Variants in ALS2CL observed in about 807,000 individuals in gnomAD.
The protein encoded by ALS2CL is ALS2 C-terminal like.
A neutral mutation model predicts 127.9 loss-of-function variants in ALS2CL; 112 were observed. That is an observed-to-expected ratio of 0.88 (90% CI 0.75 to 1.02). ALS2CL has a LOEUF of 1.02. Among genes scored for constraint, ALS2CL ranks in the 50% least tolerant of loss-of-function variants. ALS2CL has a pLI of 0.00. For synonymous variants in ALS2CL, 519 were observed against 527.6 expected, an observed-to-expected ratio of 0.98 and a Z score of 0.22; for missense variants, 1,174 against 1,236.7, an observed-to-expected ratio of 0.95 and a Z score of 0.76.
intron 13 of ALS2CL, 39 bp from the exon 14 acceptor site, chr3:46,680,580 C>T (rs138954592): frequency 1.3e-6 from 2 of 1,586,284 alleles, no homozygotes; most frequent in Non-Finnish European, 1.7e-6. Context: ...GGATCAGACT[C>T]ATTCCCATGT....
At chr3:46,676,577 G>A (rs2106700624) in intron 18 of ALS2CL, 65 bp downstream of exon 18, 1 of 1,577,068 alleles carries the variant, frequency 6.3e-7, no homozygotes, top group Non-Finnish European at 8.6e-7. Context: ...ATGAAAAATG[G>A]GAGCCCTTCC....
At chr3:46,677,106 G>T in intron 16 of ALS2CL, 84 bp from the exon 17 acceptor site, 1 of 1,508,878 alleles carries the variant, frequency 6.6e-7, no homozygotes, top group Non-Finnish European at 8.8e-7. Context: ...CCTTGGAGGG[G>T]TGGGGGTATG....
intron 10 of ALS2CL, among the ~76,000 whole-genome samples, chr3:46,682,302 T>C (rs1699417243): frequency 6.6e-6 from 1 of 152,200 alleles, no homozygotes; most frequent in Admixed American, 6.5e-5. Context: ...AGCAGCCTCA[T>C]GGGGCACACT....
intron 13 of ALS2CL, 166 bp from the exon 14 acceptor site, chr3:46,680,707 T>C (rs1699249878): frequency 1.6e-6 from 1 of 615,768 alleles, no homozygotes; most frequent in Admixed American, 2.9e-5. Flanking sequence ...CCAAGAGGAA[T>C]AGAGAATGGA....
At position 46,681,033 on chromosome 3, in the gene ALS2CL, A is replaced by G. The variant is rs1331663419; in HGVS notation, c.1436+213T>C. The G allele has an allele frequency of 1.4e-6, 1 of 720,458 alleles. No individual in the cohort carries two copies. Among genetic ancestry groups the G allele is most frequent in the East Asian group, 2.6e-5 (1 of 38,150 alleles). The allele number at this position is 720,458 out of a possible 1,614,324, so 44.6% of individuals were successfully genotyped here. ...TCAGAAATGCCTCTCCAACACCATG[A>G]GGAGGGGTGAGGGGCGGGGGCGACC... On this transcript the variant is annotated intron_variant, in intron 13 of 25. Transcript: ENST00000318962. The surrounding 1 kb of genome is among the most constrained non-coding windows in gnomAD (Gnocchi z 4.9).
chr3:46,681,324 G>T lies in ALS2CL; in HGVS notation c.1358C>A (p.Ala453Asp). The T allele has an allele frequency of 1.2e-6, 2 of 1,613,710 alleles. No homozygotes were observed. The highest frequency in any genetic ancestry group is 8.5e-7 in the Non-Finnish European group (1 of 1,179,770). Reference sequence around the variant, plus strand: ...GCCCGTGTACCTGAAGGGCTGGGGGGCCTGCGGACCACTCTCAAGGACCCC... The same window carrying T: ...GCCCGTGTACCTGAAGGGCTGGGGGTCCTGCGGACCACTCTCAAGGACCCC... ...GFGVLESGPQ[A>D]PQPFRYTGHW... Residue 453 changes from alanine (A) to aspartate (D), a missense_variant, in exon 13 of 26, where the codon GCC becomes GAC. Physicochemically the swap from Ala to Asp is moderately radical, Grantham distance 126. Coordinates refer to ENST00000318962, the MANE Select transcript of ALS2CL (RefSeq NM_147129.5). The surrounding 1 kb of genome is among the most constrained non-coding windows in gnomAD (Gnocchi z 4.9).
intron 21 of ALS2CL, 104 bp downstream of exon 21, chr3:46,674,462 G>A: frequency 7.1e-7 from 1 of 1,410,102 alleles, no homozygotes; most frequent in Non-Finnish European, 9.6e-7. Flanking sequence ...TTAGAACTTG[G>A]TGGGTACATG....
intron 16 of ALS2CL, 113 bp downstream of exon 16, chr3:46,678,146 A>C (rs1189881359): frequency 3.3e-6 from 4 of 1,209,514 alleles, no homozygotes; most frequent in Non-Finnish European, 4.3e-6. Context: ...GGAACTCTCT[A>C]GAGGGCTAAG....
chr3:46,691,007 G>C (rs1700116584), intron 1 of ALS2CL, among the ~76,000 whole-genome samples: 1 of 152,188 alleles, frequency 6.6e-6, no homozygotes, highest in South Asian at 2.1e-4. Context: ...AGGCTGCAGA[G>C]AGAGAGGCAG....
chr3:46,686,426 C>T lies in ALS2CL; in HGVS notation c.548G>A (p.Arg183Gln), dbSNP rs371027094. 16 of 1,612,942 alleles carry T rather than the reference C, an allele frequency of 9.9e-6. No homozygotes were observed. The African/African-American group carries it at 1.3e-4, about 13-fold the overall frequency. ...GGTGACTGCGTTCACCACCAGCTCC[C>T]GGGTTGGGTGATGCTGAAGGGGGAC... ...GDTIGEHHPT[R>Q]ELVVNAVTLF... Residue 183 changes from arginine (R) to glutamine (Q), a missense_variant, in exon 6 of 26, where the codon CGG (arginine) becomes CAG (glutamine). By Grantham distance (43) the Arg-to-Gln change is conservative. Coordinates refer to ENST00000318962, the MANE Select transcript of ALS2CL (RefSeq NM_147129.5). The surrounding 1 kb of genome is among the most constrained non-coding windows in gnomAD (Gnocchi z 4.3).
At position 46,679,228 on chromosome 3, in the gene ALS2CL, G is replaced by T. The variant is rs112747072; in HGVS notation, c.1608C>A (p.Asp536Glu). 176 of 1,574,368 alleles carry T rather than the reference G, an allele frequency of 1.1e-4. No individual in the cohort carries two copies. Among genetic ancestry groups the T allele is most frequent in the Non-Finnish European group, 1.5e-4 (170 of 1,159,200 alleles). ...TCCTCACCTTCCCCATGAGGGTCAG[G>T]TCCCTGGTGAAGGTGCCCTCATACA... is the stretch of plus-strand genomic sequence containing the variant. The part of the protein sequence containing the change: ...DSLYEGTFTR[D>E]LTLMGKGKVT... Residue 536 changes from aspartate (D) to glutamate (E), a missense_variant, in exon 15 of 26, where the codon GAC (aspartate) becomes GAA (glutamate). Coordinates refer to ENST00000318962, the MANE Select transcript of ALS2CL (RefSeq NM_147129.5).
Position 46,681,905 on chromosome 3 carries a change from G to T in ALS2CL, c.1175+124C>A. The stretch of plus-strand genomic sequence containing the variant: ...CAGTGGGCGGGGGCTGGACCGGATT[G>T]TCTCTAAGTTCCTGCTTGAGGTTTG... On this transcript the variant is annotated intron_variant, in intron 11 of 25. Coordinates refer to ENST00000318962, the MANE Select transcript of ALS2CL (RefSeq NM_147129.5). The surrounding 1 kb of genome is among the most constrained non-coding windows in gnomAD (Gnocchi z 4.9). The T allele has an allele frequency of 2.4e-6, 3 of 1,237,288 alleles. No homozygotes were observed. Among genetic ancestry groups the T allele is most frequent in the Non-Finnish European group, 3.4e-6 (3 of 873,320 alleles). 76.6% of individuals were successfully genotyped at this position (1,237,288 alleles called of 1,614,324 possible).
At chr3:46,673,403 AG>A in intron 21 of ALS2CL, 22 bp from the exon 22 acceptor site, 1 of 1,557,022 alleles carries the variant, frequency 6.4e-7, no homozygotes, top group South Asian at 1.2e-5. Context: ...AAAGTGAGAC[AG>A]GAGGCTCTGC....
Position 46,672,178 on chromosome 3 carries a change from C to T in ALS2CL, c.2496G>A (p.Lys832=). ...SNQRYSLVRD[K]CFLSATECLQ... ...GGCACTCGGTGGCTGACAGGAAACA[C>T]TTGTCCCTGACCAGGGAGTACCTCT... The change falls in exon 23 of 26, where the codon AAG becomes AAA. Residue 832 remains lysine, a synonymous_variant. Transcript: ENST00000318962. 6.2e-7 allele frequency: 1 copy of T among 1,614,118 alleles called. No homozygotes were observed. The highest frequency in any genetic ancestry group is 8.5e-7 in the Non-Finnish European group (1 of 1,180,018).
rs146972680 is a variant in ALS2CL at position 46,674,596 on chromosome 3, G to C, written c.2399C>G (p.Thr800Ser). Reference protein sequence around the residue: ...GIANLSLFPDTQLLEFLDVQK... With the variant: ...GIANLSLFPDSQLLEFLDVQK... ...CACATCCAGGAACTCGAGCAGTTGG[G>C]TATCAGGAAAGAGGCTCAAGTTGGC... The change falls in exon 21 of 26, where the codon ACC (threonine) becomes AGC (serine). Residue 800 changes from threonine to serine, a missense_variant. By Grantham distance (58) the Thr-to-Ser change is moderately conservative. Coordinates refer to ENST00000318962, the MANE Select transcript of ALS2CL (RefSeq NM_147129.5). The C allele has an allele frequency of 2.5e-6, 4 of 1,613,918 alleles. No homozygotes were observed. The African/African-American group carries it at 4.0e-5, about 16-fold the overall frequency.
Position 46,686,548 on chromosome 3 carries a change from T to C in ALS2CL, c.535-109A>G. ...CCTGAATCTAGGCCAGACCTTGCCC[T>C]TCTCTCCCTGACAGCTCCTCTTCTG... On this transcript the variant is annotated intron_variant, in intron 5 of 25. Coordinates refer to ENST00000318962, the MANE Select transcript of ALS2CL (RefSeq NM_147129.5). This position sits in a 1 kb window ranked among gnomAD's most constrained non-coding sequence, Gnocchi z 4.3. 5 of 1,423,860 alleles carry C rather than the reference T, an allele frequency of 3.5e-6. No homozygotes were observed. The highest frequency in any genetic ancestry group is 3.8e-6 in the Non-Finnish European group (4 of 1,059,026). 88.2% of individuals were successfully genotyped at this position (1,423,860 alleles called of 1,614,324 possible). A position where few individuals can be genotyped will look rare whatever the true frequency, so the allele number is the denominator to read the frequency against.
In ALS2CL at chr3:46,686,366, T is replaced by A; in HGVS notation, c.608A>T (p.Glu203Val). ...FGNLQSFMKQ[E>V]LDQAVATQAL... Reference sequence around the variant, plus strand: ...CTGTGTGGCCACAGCCTGGTCCAACTCCTGCTTCATGAAGGACTGCAGGTT... The same window carrying A: ...CTGTGTGGCCACAGCCTGGTCCAACACCTGCTTCATGAAGGACTGCAGGTT... Residue 203 changes from glutamate (E) to valine (V), a missense_variant, in exon 6 of 26, where the codon GAG (glutamate) becomes GTG (valine). Coordinates refer to ENST00000318962, the MANE Select transcript of ALS2CL (RefSeq NM_147129.5). This position sits in a 1 kb window ranked among gnomAD's most constrained non-coding sequence, Gnocchi z 4.3. 1 of 1,613,610 alleles carries A rather than the reference T, an allele frequency of 6.2e-7. No individual in the cohort carries two copies. The highest frequency in any genetic ancestry group is 1.1e-5 in the South Asian group (1 of 91,066).
Position 46,676,374 on chromosome 3 carries a change from C to G in ALS2CL, c.2057G>C (p.Gly686Ala), listed in dbSNP as rs765835852. 6.2e-7 allele frequency: 1 copy of G among 1,613,832 alleles called. No individual in the cohort carries two copies. The highest frequency in any genetic ancestry group is 1.7e-5 in the Admixed American group (1 of 59,986). The change falls in exon 19 of 26, where the codon GGA becomes GCA. Residue 686 changes from glycine to alanine, a missense_variant. Coordinates refer to ENST00000318962, the MANE Select transcript of ALS2CL (RefSeq NM_147129.5). ...CAGCATCAGTGTCCGGAGCAGCTTT[C>G]CCAGGGGGTGCAGTGAGTTGCTCAG... Reference protein sequence around the residue: ...KALSNSLHPLGKLLRTLMLTF... With the variant: ...KALSNSLHPLAKLLRTLMLTF...
chr3:46,687,554 C>A, intron 4 of ALS2CL, 65 bp downstream of exon 4: 9 of 1,573,578 alleles, frequency 5.7e-6, no homozygotes, highest in Non-Finnish European at 7.8e-6. Flanking sequence ...GGGGGCTTCC[C>A]CGACCCCACC....
Sources: gnomAD v4.1 joint callset for allele counts (sites outside exome capture counted in the v4.1 genomes callset) on GRCh38, gnomAD v4.1.1 for gene constraint, Gnocchi (gnomAD v3.1) non-coding constraint, MANE v1.5 for transcripts, NCBI Gene and HGNC (gene_info 2026-07-23, HGNC 2026-07-21) for gene names.